Variants in PARL observed in about 807,000 individuals in gnomAD.
PARL encodes the protein presenilin-associated rhomboid-like protein, mitochondrial.
PARL carries 44 observed loss-of-function variants against 51.6 expected under a neutral mutation model. The observed-to-expected ratio is 0.85, with a 90% confidence interval of 0.67 to 1.10. The LOEUF is 1.10. Ranked by LOEUF, PARL falls within the 50% of genes least tolerant of loss-of-function variation. PARL has a pLI of 0.00. For missense variants in PARL, 441 were observed against 469.5 expected, an observed-to-expected ratio of 0.94 and a Z score of 0.56; for synonymous variants, 172 against 164.0, an observed-to-expected ratio of 1.05 and a Z score of -0.37.
Position 183,868,046 on chromosome 3 carries a change from A to C in PARL, c.140T>G (p.Ile47Ser), listed in dbSNP as rs756297359. 16 of 1,613,918 alleles carry C rather than the reference A, an allele frequency of 9.9e-6. No homozygotes were observed. The South Asian group carries it at 1.8e-4, about 18-fold the overall frequency. ...TTTTCTGAATCCGCATTTTTGTTGAATAAAGAAGTTAAACCTATGGGGCAA... is the reference window on the plus strand; with the variant it reads ...TTTTCTGAATCCGCATTTTTGTTGACTAAAGAAGTTAAACCTATGGGGCAA... ...QLLGRRFNFF[I>S]QQKCGFRKAP... The change falls in exon 2 of 10, where the codon ATT (isoleucine) becomes AGT (serine). Residue 47 changes from isoleucine (I) to serine (S), a missense_variant. Ile to Ser is a moderately radical substitution (Grantham distance 142, BLOSUM62 -2). Transcript: ENST00000317096.
intron 3 of PARL, among the ~76,000 whole-genome samples, chr3:183,863,428 G>A (rs1399213363): frequency 6.6e-6 from 1 of 152,004 alleles, no homozygotes; most frequent in Non-Finnish European, 1.5e-5. Flanking sequence ...GAAGCTGGAC[G>A]ATAATGATTC....
Position 183,866,665 on chromosome 3 carries a change from T to G in PARL, c.422A>C (p.Asp141Ala). The change falls in exon 3 of 10, where the codon GAT becomes GCT. Residue 141 changes from aspartate (D) to alanine (A), a missense_variant. Transcript: ENST00000317096. Reference sequence around the variant, plus strand: ...TCCTTCTTTTTGTGGTCTTATGCTATCCAACCAATCAGCTTTTATACCATC... The same window carrying G: ...TCCTTCTTTTTGTGGTCTTATGCTAGCCAACCAATCAGCTTTTATACCATC... ...YFDGIKADWL[D>A]SIRPQKEGDF... 2 of 1,612,196 alleles carry G rather than the reference T, an allele frequency of 1.2e-6. No homozygotes were observed. Among genetic ancestry groups the G allele is most frequent in the Non-Finnish European group, 1.7e-6 (2 of 1,179,406 alleles).
intron 3 of PARL, among the ~76,000 whole-genome samples, chr3:183,863,659 G>A (rs1358659699): frequency 6.6e-6 from 1 of 151,726 alleles, no homozygotes; most frequent in East Asian, 1.9e-4. Flanking sequence ...GGCTGGTCTT[G>A]AACTCCTGGG....
chr3:183,834,759 G>A (rs953508014), intron 7 of PARL, among the ~76,000 whole-genome samples: 3 of 151,750 alleles, frequency 2.0e-5, no homozygotes, highest in Admixed American at 2.0e-4. Context: ...GACTACATGG[G>A]GCTGGGTGCA....
At chr3:183,876,787 C>T (rs1733903200) in intron 1 of PARL, among the ~76,000 whole-genome samples, 1 of 152,148 alleles carries the variant, frequency 6.6e-6, no homozygotes, top group South Asian at 2.1e-4. Flanking sequence ...CGGGAACACT[C>T]ATGATTCATG....
At chr3:183,861,512 G>C (rs1484014426) in intron 4 of PARL, among the ~76,000 whole-genome samples, 1 of 152,190 alleles carries the variant, frequency 6.6e-6, no homozygotes, top group African/African-American at 2.4e-5. Context: ...AGGAAGCAAT[G>C]TCTGAACCAT....
At chr3:183,857,500 T>C (rs1046907908) in intron 4 of PARL, among the ~76,000 whole-genome samples, 2 of 152,246 alleles carry the variant, frequency 1.3e-5, no homozygotes, top group African/African-American at 4.8e-5. Context: ...GAAGAGTATG[T>C]ACTGCATGTT....
chr3:183,833,083 A>G (rs1246905811), intron 9 of PARL, among the ~76,000 whole-genome samples: 1 of 152,218 alleles, frequency 6.6e-6, no homozygotes, highest in African/African-American at 2.4e-5. Flanking sequence ...CCAACTCAGC[A>G]TGTCTAAATA....
At position 183,829,386 on chromosome 3, in the gene PARL, C is replaced by A. The variant is rs1727648970; in HGVS notation, c.*212G>T. On this transcript the variant is annotated 3_prime_UTR_variant, in exon 10 of 10. Coordinates refer to ENST00000317096, the MANE Select transcript of PARL (RefSeq NM_018622.7). ...CCCCTTAAAGAGAGAACACACACATCTGCTTACAAACTAGATAGAAACCTT... is the reference window on the plus strand; with the variant it reads ...CCCCTTAAAGAGAGAACACACACATATGCTTACAAACTAGATAGAAACCTT... 9 of 1,466,914 alleles carry A rather than the reference C, an allele frequency of 6.1e-6. No individual in the cohort carries two copies. Among genetic ancestry groups the A allele is most frequent in the South Asian group, 1.4e-5 (1 of 72,476 alleles). 90.9% of individuals were successfully genotyped at this position (1,466,914 alleles called of 1,614,324 possible). A position where few individuals can be genotyped will look rare whatever the true frequency, so the allele number is the denominator to read the frequency against.
At chr3:183,829,266 C>T (rs1727639556), downstream of PARL, 4 of 490,878 alleles carry the variant, frequency 8.1e-6, no homozygotes, top group Non-Finnish European at 1.3e-5. Context: ...AGACAGGCAA[C>T]CAGCGCCTTC....
intron 3 of PARL, among the ~76,000 whole-genome samples, chr3:183,864,018 T>G (rs1265699324): frequency 6.6e-6 from 1 of 152,210 alleles, no homozygotes; most frequent in African/African-American, 2.4e-5. Context: ...TGTGCAGACA[T>G]GTGCTGGAAA....
chr3:183,837,544 G>T (rs902900677), intron 7 of PARL, among the ~76,000 whole-genome samples: 1 of 152,146 alleles, frequency 6.6e-6, no homozygotes, highest in East Asian at 1.9e-4. Flanking sequence ...TAGGTAGCCT[G>T]CACGCCCTCA....
downstream of PARL, among the ~76,000 whole-genome samples, chr3:183,827,433 G>A (rs1727500999): frequency 6.6e-6 from 1 of 151,726 alleles, no homozygotes; most frequent in Non-Finnish European, 1.5e-5. Context: ...GAGAGAGAGA[G>A]AGAGACCCTG....
intron 6 of PARL, 33 bp downstream of exon 6, chr3:183,842,265 A>C (rs1560383647): frequency 6.2e-7 from 1 of 1,604,102 alleles, no homozygotes; most frequent in Admixed American, 1.7e-5. Context: ...GAGTGCTTAT[A>C]CTCTCAAAGG....
intron 1 of PARL, among the ~76,000 whole-genome samples, chr3:183,878,360 C>A (rs1161881606): frequency 6.6e-6 from 1 of 152,174 alleles, no homozygotes; most frequent in East Asian, 1.9e-4. Flanking sequence ...GCAAGTCCAA[C>A]CCAGCTGCAA....
At chr3:183,870,490 T>C (rs1458214953) in intron 1 of PARL, among the ~76,000 whole-genome samples, 1 of 151,916 alleles carries the variant, frequency 6.6e-6, no homozygotes, top group Non-Finnish European at 1.5e-5. Flanking sequence ...TTCTATAGTT[T>C]CTCAAATGTC....
At chr3:183,831,587 G>A (rs1051201495) in intron 9 of PARL, among the ~76,000 whole-genome samples, 1 of 152,104 alleles carries the variant, frequency 6.6e-6, no homozygotes, top group African/African-American at 2.4e-5. Context: ...CCTTAGCTTA[G>A]GCACACAGCA....
intron 4 of PARL, among the ~76,000 whole-genome samples, chr3:183,845,050 C>G (rs1729787578): frequency 6.6e-6 from 1 of 152,018 alleles, no homozygotes; most frequent in African/African-American, 2.4e-5. Context: ...TGAATTGCCA[C>G]AACTCCTTCA....
At chr3:183,827,648 G>A (rs1490038375), downstream of PARL, among the ~76,000 whole-genome samples, 2 of 152,128 alleles carry the variant, frequency 1.3e-5, no homozygotes, top group Non-Finnish European at 2.9e-5. Flanking sequence ...CTAGAAATAA[G>A]AGGCGAGAGA....
Sources: allele counts gnomAD v4.1 joint callset (sites outside exome capture counted in the v4.1 genomes callset), GRCh38; gene constraint gnomAD v4.1.1; transcripts MANE v1.5; gene names NCBI Gene and HGNC (gene_info 2026-07-23, HGNC 2026-07-21).